Variants in CCDC30 observed in about 807,000 individuals in gnomAD.
The protein encoded by CCDC30 is coiled-coil domain containing 30.
A neutral mutation model predicts 100.2 loss-of-function variants in CCDC30; 70 were observed. The ratio of observed to expected loss-of-function variants is 0.70; its 90% CI spans 0.58 to 0.85. The LOEUF (loss-of-function observed/expected upper bound fraction) is 0.85, where lower values mean the gene tolerates loss of function less well. Ranked by LOEUF, CCDC30 falls within the 40% of genes least tolerant of loss-of-function variation. CCDC30 has a pLI of 0.00. For missense variants in CCDC30, 652 were observed against 771.2 expected (o/e 0.85, Z 1.83); for synonymous variants, 233 against 269.5 (o/e 0.86, Z 1.33).
chr1:42,561,286 G>T (rs1003708437), intron 6 of CCDC30, among the ~76,000 whole-genome samples: 2 of 152,210 alleles, frequency 1.3e-5, no homozygotes, highest in African/African-American at 4.8e-5. Flanking sequence ...TCACTGGGAT[G>T]CAAGGCTGGT....
intron 7 of CCDC30, among the ~76,000 whole-genome samples, chr1:42,567,757 C>T (rs1645637247): frequency 6.6e-6 from 1 of 152,186 alleles, no homozygotes; most frequent in African/African-American, 2.4e-5. Context: ...CATATTCTAA[C>T]AATACTACAT....
chr1:42,497,911 T>C (rs1347482799), intron 5 of CCDC30, among the ~76,000 whole-genome samples: 1 of 152,226 alleles, frequency 6.6e-6, no homozygotes. Flanking sequence ...GGTCTGACAA[T>C]TCCACTTCTG....
Position 42,596,316 on chromosome 1 carries a change from T to A in CCDC30, c.1164+6833T>A, listed in dbSNP as rs1158614692. On this transcript the variant is annotated intron_variant, in intron 10 of 16. Coordinates refer to ENST00000668663, the Ensembl canonical transcript of CCDC30. This position sits in a 1 kb window ranked among gnomAD's most constrained non-coding sequence, Gnocchi z 4.3. ...CCTCCTGTAGCATACCAGGTTCTTG[T>A]GAATATCTGAGAAAAATCCCCTTTT... 2.0e-5 allele frequency among the ~76,000 whole-genome samples: 3 copies of A among 152,154 alleles called. No individual in the cohort carries two copies. The highest frequency in any genetic ancestry group is 7.2e-5 in the African/African-American group (3 of 41,412).
At chr1:42,646,190 T>C (rs756463613) in exon 15 of CCDC30, 1 of 1,598,244 alleles carries the variant, frequency 6.3e-7, no homozygotes, top group African/African-American at 1.3e-5. Context: ...CTGGCTTCTC[T>C]CCCTCCAACA....
At chr1:42,555,465 G>C (rs1466974993) in intron 6 of CCDC30, among the ~76,000 whole-genome samples, 2 of 152,084 alleles carry the variant, frequency 1.3e-5, no homozygotes, top group African/African-American at 4.8e-5. Flanking sequence ...TCACTAAATT[G>C]TAAGCTCCTT....
intron 11 of CCDC30, among the ~76,000 whole-genome samples, chr1:42,633,860 C>T (rs1175319943): frequency 6.6e-6 from 1 of 152,178 alleles, no homozygotes; most frequent in Non-Finnish European, 1.5e-5. Context: ...TTAATTGACT[C>T]ACAGTTCAGC....
intron 10 of CCDC30, among the ~76,000 whole-genome samples, chr1:42,602,971 A>G (rs552950803): frequency 8.5e-5 from 13 of 152,376 alleles, no homozygotes; most frequent in Non-Finnish European, 1.6e-4. Flanking sequence ...CTGGTTCAAC[A>G]TTTGAAAATA....
intron 7 of CCDC30, 36 bp downstream of exon 11, chr1:42,566,511 TC>T: frequency 6.4e-7 from 1 of 1,563,790 alleles, no homozygotes; most frequent in Non-Finnish European, 8.8e-7. Flanking sequence ...TGGAAGGGTT[TC>T]AGTTGGCCCT....
chr1:42,634,928 A>G (rs541979708), intron 11 of CCDC30, among the ~76,000 whole-genome samples: 3 of 152,188 alleles, frequency 2.0e-5, no homozygotes, highest in Non-Finnish European at 4.4e-5. Flanking sequence ...CTGACATTTC[A>G]TATAAATGGA....
chr1:42,653,402 A>C (rs754567418), exon 16 of CCDC30: 3 of 1,606,698 alleles, frequency 1.9e-6, no homozygotes, highest in Non-Finnish European at 1.7e-6. Context: ...ACATCCTTGA[A>C]TCCGAAGTAG....
intron 2 of CCDC30, 122 bp downstream of exon 2, chr1:42,480,688 G>C: frequency 4.5e-6 from 4 of 886,154 alleles, no homozygotes; most frequent in Non-Finnish European, 5.4e-6. Context: ...TCTCTACAAA[G>C]AGAACATCAA....
chr1:42,652,400 T>A (rs1413035970), intron 15 of CCDC30, among the ~76,000 whole-genome samples: 1 of 149,244 alleles, frequency 6.7e-6, no homozygotes, highest in Non-Finnish European at 1.5e-5. Context: ...GATGGATATG[T>A]TAATTACCTC....
intron 6 of CCDC30, among the ~76,000 whole-genome samples, chr1:42,526,921 C>A (rs956617809): frequency 5.3e-5 from 8 of 152,110 alleles, no homozygotes; most frequent in African/African-American, 1.4e-4. Flanking sequence ...CCCTAAAAAT[C>A]AACCTTTCCC....
At chr1:42,594,804 T>G (rs1326904051) in intron 10 of CCDC30, 2 of 152,196 alleles carry the variant, frequency 1.3e-5, no homozygotes, top group East Asian at 1.9e-4. Flanking sequence ...AGTAATACAA[T>G]AGCATGCATT....
intron 10 of CCDC30, among the ~76,000 whole-genome samples, chr1:42,598,939 T>C (rs1230816332): frequency 3.9e-5 from 6 of 151,948 alleles, no homozygotes; most frequent in African/African-American, 7.3e-5. Flanking sequence ...AGAAATACTT[T>C]CTCAGACAAA....
Position 42,552,082 on chromosome 1 carries a change from G to C in CCDC30, c.457-14214G>C, listed in dbSNP as rs187050663. ...TACCTAGCCAAATTCTGTTCTTTTG[G>C]GGGAGCATTTATTTTCATGGATTCT... On this transcript the variant is annotated intron_variant, in intron 6 of 16. Transcript: ENST00000668663. 6.6e-3 allele frequency among the ~76,000 whole-genome samples: 1,009 copies of C among 152,042 alleles called. 3 individuals are homozygous for C. The highest frequency in any genetic ancestry group is 0.02 in the Middle Eastern group (6 of 294).
At chr1:42,560,923 G>T (rs1010631385) in intron 6 of CCDC30, among the ~76,000 whole-genome samples, 3 of 152,156 alleles carry the variant, frequency 2.0e-5, no homozygotes, top group African/African-American at 7.2e-5. Flanking sequence ...TTGAATCCCT[G>T]AATAGACCAG....
At chr1:42,458,555 A>G (rs138694298), upstream of CCDC30, among the ~76,000 whole-genome samples, 305 of 152,364 alleles carry the variant, frequency 2.0e-3, 1 homozygote, top group African/African-American at 6.9e-3. Flanking sequence ...GAGACAATAA[A>G]TAAGTCAAAT....
chr1:42,546,402 ATATATATATATATAT>A (rs1557843021), intron 6 of CCDC30, among the ~76,000 whole-genome samples: 339 of 25,778 alleles, frequency 0.013, 39 homozygotes, highest in South Asian at 0.063. Flanking sequence ...AAAAAAAAAT[ATATATATATATATAT>A]ATATATATAT....
Sources: gnomAD v4.1 joint callset for allele counts (sites outside exome capture counted in the v4.1 genomes callset) on GRCh38, gnomAD v4.1.1 for gene constraint, Gnocchi (gnomAD v3.1) non-coding constraint, MANE v1.5 for transcripts, NCBI Gene and HGNC (gene_info 2026-07-23, HGNC 2026-07-21) for gene names.